Variants in MTM1 observed in about 807,000 individuals in gnomAD.
MTM1 encodes myotubularin.
A neutral mutation model predicts 52.1 loss-of-function variants in MTM1; 9 were observed. The observed-to-expected ratio is 0.17, with a 90% CI of 0.10 to 0.30. MTM1 has a LOEUF of 0.30. Among genes scored for constraint, MTM1 ranks in the 10% least tolerant of loss-of-function variants. MTM1 has a pLI of 1.00. For synonymous variants in MTM1, 136 were observed against 163.8 expected (o/e 0.83, Z 1.29); for missense variants, 277 against 470.7 (o/e 0.59, Z 3.81).
rs782270844 is a variant in MTM1 at position 150,626,490 on chromosome X, T to G, written c.444+7351T>G. On this transcript the variant is annotated intron_variant, in intron 6 of 14. Coordinates refer to ENST00000370396, the MANE Select transcript of MTM1 (RefSeq NM_000252.3). Reference sequence around the variant, plus strand: ...CACCACGCCCGACTAATTTTTGTATTTTTAGTAGAGACGGGGTTTCACCAT... The same window carrying G: ...CACCACGCCCGACTAATTTTTGTATGTTTAGTAGAGACGGGGTTTCACCAT... 3.4e-4 allele frequency among the ~76,000 whole-genome samples: 38 copies of G among 110,569 alleles called. No homozygotes were observed. In the South Asian group the frequency reaches 0.015, roughly 43 times the overall value.
At chrX:150,624,908 A>G (rs1185132891) in intron 6 of MTM1, among the ~76,000 whole-genome samples, 5 of 112,251 alleles carry the variant, frequency 4.5e-5, no homozygotes, top group African/African-American at 1.6e-4. Context: ...GTAGGCGCAC[A>G]TGGATTTTCT....
chrX:150,658,309 T>C, intron 11 of MTM1, among the ~76,000 whole-genome samples: 1 of 112,330 alleles, frequency 8.9e-6, no homozygotes, highest in Non-Finnish European at 1.9e-5. Context: ...CAATTCTTTC[T>C]CAAATAATAT....
intron 2 of MTM1, among the ~76,000 whole-genome samples, chrX:150,594,403 C>T (rs1336356325): frequency 1.8e-5 from 2 of 111,815 alleles, no homozygotes; most frequent in East Asian, 2.8e-4. Context: ...GACCACCACA[C>T]CTGGCTTGTT....
In MTM1 at chrX:150,598,682, A is replaced by G; in HGVS notation, c.227A>G (p.Glu76Gly). 2 of 1,137,666 alleles carry G rather than the reference A, an allele frequency of 1.8e-6. No homozygotes were observed. The highest frequency in any genetic ancestry group is 2.4e-6 in the Non-Finnish European group (2 of 828,523). 93.8% of individuals were successfully genotyped at this position (1,137,666 alleles called of 1,213,427 possible). The change falls in exon 4 of 15, where the codon GAA (glutamate) becomes GGA (glycine). Residue 76 changes from glutamate (E) to glycine (G), a missense_variant. Physicochemically the swap from Glu to Gly is moderately conservative, Grantham distance 98. Around this residue, in one of 4 missense-constraint regions of MTM1, gnomAD observed 164 missense variants for 283.3 expected, o/e 0.58. Coordinates refer to ENST00000370396, the MANE Select transcript of MTM1 (RefSeq NM_000252.3). ...TNYRLYLRSL[E>G]TDSSLILDVP... is the part of the protein sequence containing the mutation. ...TATCGTCTTTATTTAAGAAGTTTGG[A>G]AACGGTAAGTAGAATATAAGACCAT...
chrX:150,652,962 C>T (rs1278022640), intron 10 of MTM1, among the ~76,000 whole-genome samples: 2 of 109,896 alleles, frequency 1.8e-5, no homozygotes, highest in Non-Finnish European at 3.8e-5. Flanking sequence ...GGAGGTAAGG[C>T]CATCTGCAAA....
At chrX:150,664,583 T>G (rs1315580919) in intron 14 of MTM1, among the ~76,000 whole-genome samples, 1 of 113,064 alleles carries the variant, frequency 8.8e-6, no homozygotes, top group Non-Finnish European at 1.9e-5. Flanking sequence ...TGTATTCTTT[T>G]GGAAAGTGAC....
chrX:150,628,818 C>T (rs1363699503), intron 6 of MTM1, among the ~76,000 whole-genome samples: 6 of 108,174 alleles, frequency 5.5e-5, no homozygotes, highest in African/African-American at 6.8e-5. Context: ...CACCGCAGCC[C>T]GCAGGTGCAT....
intron 4 of MTM1, among the ~76,000 whole-genome samples, chrX:150,607,647 A>G (rs1314757209): frequency 1.8e-5 from 2 of 110,800 alleles, no homozygotes; most frequent in Non-Finnish European, 3.8e-5. Context: ...CCTCCTAAAT[A>G]TTATTTTCCC....
intron 8 of MTM1, 120 bp from the exon 9 acceptor site, chrX:150,645,563 T>C: frequency 1.5e-6 from 1 of 655,452 alleles, no homozygotes; most frequent in Non-Finnish European, 2.5e-6. Flanking sequence ...ACAAGTATTC[T>C]ATTTTAGCAC....
At chrX:150,649,041 TCA>T (rs2148497035) in intron 9 of MTM1, among the ~76,000 whole-genome samples, 1 of 112,423 alleles carries the variant, frequency 8.9e-6, no homozygotes, top group South Asian at 3.7e-4. Flanking sequence ...AAAGCAAGAG[TCA>T]CAGTACCTGG....
intron 2 of MTM1, among the ~76,000 whole-genome samples, chrX:150,595,395 G>A (rs2038958436): frequency 9.0e-6 from 1 of 111,693 alleles, no homozygotes; most frequent in Non-Finnish European, 1.9e-5. Context: ...TGGGAGCTGG[G>A]AGGCAGACGT....
intron 9 of MTM1, among the ~76,000 whole-genome samples, chrX:150,648,201 T>C (rs1475510083): frequency 8.9e-6 from 1 of 112,035 alleles, no homozygotes; most frequent in African/African-American, 3.2e-5. Context: ...TAACTATATT[T>C]TCTTGCCTAG....
At chrX:150,667,533 A>G (rs2040323999) in intron 14 of MTM1, among the ~76,000 whole-genome samples, 1 of 112,139 alleles carries the variant, frequency 8.9e-6, no homozygotes, top group Non-Finnish European at 1.9e-5. Context: ...TCACTGCTGG[A>G]TCCTGAGCAC....
chrX:150,615,994 T>G (rs2148457966), intron 5 of MTM1, among the ~76,000 whole-genome samples: 1 of 111,002 alleles, frequency 9.0e-6, no homozygotes, highest in Non-Finnish European at 1.9e-5. Flanking sequence ...GGGAGTAGAG[T>G]GTTTAATATT....
intron 14 of MTM1, among the ~76,000 whole-genome samples, chrX:150,664,281 G>T (rs2040269998): frequency 8.9e-6 from 1 of 112,681 alleles, no homozygotes; most frequent in African/African-American, 3.2e-5. Flanking sequence ...ATTTGTGATG[G>T]TTCTTTGTAA....
upstream of MTM1, among the ~76,000 whole-genome samples, chrX:150,567,485 T>G (rs1557411271): frequency 1.8e-5 from 2 of 111,680 alleles, no homozygotes; most frequent in Non-Finnish European, 3.8e-5. Flanking sequence ...TTACTCGAAC[T>G]GCTCGCGTAT....
chrX:150,632,551 G>A (rs1264547145), intron 6 of MTM1, among the ~76,000 whole-genome samples: 2 of 111,926 alleles, frequency 1.8e-5, no homozygotes, highest in African/African-American at 6.5e-5. Flanking sequence ...CTGGGCTGCA[G>A]TGTGTGCAGA....
Position 150,652,161 on chromosome X carries a change from T to G in MTM1, c.1053+2260T>G, listed in dbSNP as rs782213354. Among the ~76,000 whole-genome samples, 8 of 110,859 alleles carry G rather than the reference T, an allele frequency of 7.2e-5. No individual in the cohort carries two copies. The East Asian group carries it at 2.0e-3, about 28-fold the overall frequency. ...AAGAGAAAAGATTTACTTCAGGAAT[T>G]TTTTTAAGGGAAATAATCACACAGG... is the stretch of plus-strand genomic sequence containing the variant. On this transcript the variant is annotated intron_variant, in intron 10 of 14. Transcript: ENST00000370396.
intron 14 of MTM1, among the ~76,000 whole-genome samples, chrX:150,667,186 C>T (rs1481049161): frequency 8.9e-6 from 1 of 111,863 alleles, no homozygotes; most frequent in Admixed American, 9.5e-5. Context: ...GCCACCCCAC[C>T]CCTTACCTCT....
Sources: allele counts gnomAD v4.1 joint callset (sites outside exome capture counted in the v4.1 genomes callset), GRCh38; gene constraint gnomAD v4.1.1; regional missense constraint gnomAD v4.1.1; transcripts MANE v1.5; gene names NCBI Gene and HGNC (gene_info 2026-07-23, HGNC 2026-07-21).